The following ROBO2 variants were observed in gnomAD, a reference collection of about 807,000 sequenced individuals.
ROBO2 encodes the protein roundabout guidance receptor 2.
ROBO2 carries 53 observed loss-of-function variants against 160.8 expected under a neutral mutation model. That is an observed-to-expected ratio of 0.33 (90% CI 0.26 to 0.41). The LOEUF (loss-of-function observed/expected upper bound fraction) is 0.41, where lower values mean the gene tolerates loss of function less well. Among genes scored for constraint, ROBO2 ranks in the 10% least tolerant of loss-of-function variants. The pLI is 1.00. For synonymous variants in ROBO2, 664 were observed against 611.7 expected (o/e 1.09, Z -1.26); for missense variants, 1,577 against 1,722.4 (o/e 0.92, Z 1.49).
At chr3:76,122,370 A>G in intron 2 of ROBO2, among the ~76,000 whole-genome samples, 1 of 152,026 alleles carries the variant, frequency 6.6e-6, no homozygotes, top group Non-Finnish European at 1.5e-5. Context: ...GGTTCTCTGT[A>G]TTTTTATTTT....
At chr3:76,827,946 C>T (rs1181908759) in intron 2 of ROBO2, among the ~76,000 whole-genome samples, 1 of 152,048 alleles carries the variant, frequency 6.6e-6, no homozygotes, top group Non-Finnish European at 1.5e-5. Flanking sequence ...AGAAATCAGA[C>T]TTATTTATTG....
At chr3:76,686,375 G>A (rs1250401326) in intron 2 of ROBO2, among the ~76,000 whole-genome samples, 1 of 151,974 alleles carries the variant, frequency 6.6e-6, no homozygotes, top group Admixed American at 6.6e-5. Flanking sequence ...AATTTATTCA[G>A]ATAAATTACT....
At chr3:75,967,700 T>C (rs577248042) in intron 2 of ROBO2, among the ~76,000 whole-genome samples, 1 of 151,696 alleles carries the variant, frequency 6.6e-6, no homozygotes, top group South Asian at 2.1e-4. Context: ...TAATTTTGTT[T>C]TTAATGCATA....
At chr3:77,047,442 T>C (rs542919028) in intron 1 of ROBO2, among the ~76,000 whole-genome samples, 3 of 151,888 alleles carry the variant, frequency 2.0e-5, no homozygotes, top group African/African-American at 7.2e-5. Flanking sequence ...CCCAGCACTT[T>C]GGGAGGGTGA....
At chr3:77,543,208 C>G (rs1316499774) in intron 6 of ROBO2, among the ~76,000 whole-genome samples, 1 of 152,094 alleles carries the variant, frequency 6.6e-6, no homozygotes, top group Non-Finnish European at 1.5e-5. Context: ...CTTTCTCCCC[C>G]AGTGCCATCT....
chr3:76,699,534 T>G (rs2093003131), intron 2 of ROBO2, among the ~76,000 whole-genome samples: 1 of 152,198 alleles, frequency 6.6e-6, no homozygotes, highest in African/African-American at 2.4e-5. Context: ...AATCTCCTTC[T>G]AACCCGTGCC....
At chr3:77,015,517 A>G (rs1382316870) in intron 2 of ROBO2, among the ~76,000 whole-genome samples, 1 of 152,208 alleles carries the variant, frequency 6.6e-6, no homozygotes, top group Non-Finnish European at 1.5e-5. Context: ...TAGCAGCTCT[A>G]TGCAAATTAG....
intron 1 of ROBO2, among the ~76,000 whole-genome samples, chr3:75,908,956 C>T (rs575203551): frequency 6.6e-6 from 1 of 152,170 alleles, no homozygotes; most frequent in Non-Finnish European, 1.5e-5. Flanking sequence ...GCAGACAGAA[C>T]CTGCTTTCAG....
chr3:76,747,910 T>G, intron 2 of ROBO2, among the ~76,000 whole-genome samples: 1 of 152,064 alleles, frequency 6.6e-6, no homozygotes, highest in Non-Finnish European at 1.5e-5. Flanking sequence ...AAATTTAACC[T>G]GTATAAATTT....
intron 2 of ROBO2, among the ~76,000 whole-genome samples, chr3:76,568,841 C>A (rs531008333): frequency 6.6e-6 from 1 of 151,130 alleles, no homozygotes; most frequent in Non-Finnish European, 1.5e-5. Flanking sequence ...TTACAATATG[C>A]AGACCCATAG....
chr3:77,157,484 G>A (rs78151778), intron 2 of ROBO2, among the ~76,000 whole-genome samples: 1,996 of 152,064 alleles, frequency 0.013, 64 homozygotes, highest in African/African-American at 0.045. Flanking sequence ...GTTTATGCTC[G>A]GGGAATTCTT....
intron 8 of ROBO2, among the ~76,000 whole-genome samples, chr3:77,554,870 G>C (rs896019471): frequency 6.6e-6 from 1 of 152,016 alleles, no homozygotes; most frequent in Non-Finnish European, 1.5e-5. Flanking sequence ...AGCAACATCA[G>C]AGTTTGAGAG....
chr3:76,987,292 A>T (rs992898975), intron 2 of ROBO2, among the ~76,000 whole-genome samples: 1 of 152,172 alleles, frequency 6.6e-6, no homozygotes, highest in Admixed American at 6.5e-5. Context: ...TACAAAGAAC[A>T]TGCTTTCTCA....
chr3:77,425,505 A>T (rs1190932692), intron 2 of ROBO2, among the ~76,000 whole-genome samples: 3 of 152,130 alleles, frequency 2.0e-5, no homozygotes, highest in Non-Finnish European at 4.4e-5. Context: ...AAAGACAGGG[A>T]CAAAGTGCTA....
At position 76,229,962 on chromosome 3, in the gene ROBO2, G is replaced by A. The variant is rs1435764590; in HGVS notation, c.109+292360G>A. Reference sequence around the variant, plus strand: ...AATACTCATCTGTGCTGGCATCTCAGGGGCTCCAGCCTAAACTAACCTTAT... The same window carrying A: ...AATACTCATCTGTGCTGGCATCTCAAGGGCTCCAGCCTAAACTAACCTTAT... On this transcript the variant is annotated intron_variant, in intron 2 of 26. Coordinates refer to the ROBO2 transcript ENST00000487694. 2.0e-5 allele frequency among the ~76,000 whole-genome samples: 3 copies of A among 152,244 alleles called. No homozygotes were observed. The South Asian group carries it at 6.2e-4, about 32-fold the overall frequency.
At chr3:77,469,344 C>T (rs1353702481) in intron 2 of ROBO2, among the ~76,000 whole-genome samples, 6 of 152,194 alleles carry the variant, frequency 3.9e-5, no homozygotes, top group South Asian at 2.1e-4. Flanking sequence ...GGGGTCAAAG[C>T]GTGGCTGCCA....
intron 24 of ROBO2, among the ~76,000 whole-genome samples, chr3:77,639,592 T>C (rs975974469): frequency 4.6e-5 from 7 of 152,166 alleles, no homozygotes; most frequent in African/African-American, 1.4e-4. Context: ...TTGAGACTTA[T>C]TTGATAAAAA....
intron 2 of ROBO2, among the ~76,000 whole-genome samples, chr3:75,987,710 G>A (rs1442480922): frequency 6.6e-6 from 1 of 151,928 alleles, no homozygotes; most frequent in African/African-American, 2.4e-5. Context: ...ATTTTATTAT[G>A]TTAAGGTAGT....
At chr3:77,289,101 T>G (rs945090535) in intron 2 of ROBO2, among the ~76,000 whole-genome samples, 3 of 152,138 alleles carry the variant, frequency 2.0e-5, no homozygotes, top group African/African-American at 4.8e-5. Context: ...ACTTGATATG[T>G]GGATTGTACA....
Sources: gnomAD v4.1 joint callset for allele counts (sites outside exome capture counted in the v4.1 genomes callset) on GRCh38, gnomAD v4.1.1 for gene constraint, MANE v1.5 for transcripts, NCBI Gene and HGNC (gene_info 2026-07-23, HGNC 2026-07-21) for gene names.